Variants in PER3 observed in about 807,000 individuals in gnomAD.
PER3 encodes the protein period circadian regulator 3.
In PER3, 107 loss-of-function variants were observed where a neutral mutation model predicts 127.2. The observed-to-expected ratio is 0.84, with a 90% CI of 0.72 to 0.99. The LOEUF (loss-of-function observed/expected upper bound fraction) is 0.99. Among genes scored for constraint, PER3 ranks in the 50% least tolerant of loss-of-function variants. The probability of loss-of-function intolerance (pLI) is 0.00; values close to 1 mark genes in which losing one functional copy is unlikely to be tolerated. For missense variants in PER3, 1,560 were observed against 1,525.8 expected (o/e 1.02, Z -0.37); for synonymous variants, 618 against 585.8 (o/e 1.05, Z -0.79).
At chr1:7,796,964 A>C (rs533366441) in intron 6 of PER3, among the ~76,000 whole-genome samples, 2 of 152,258 alleles carry the variant, frequency 1.3e-5, no homozygotes, top group Non-Finnish European at 2.9e-5. Flanking sequence ...AGGAAAATCA[A>C]CTTCCTGGAG....
chr1:7,811,048 A>G lies in PER3; in HGVS notation c.1522+460A>G, dbSNP rs189964841. ...TGACATGTATTTACTTTTCTCAAAT[A>G]CAAGGTAAGGAGCACTCAAAAAGAG... On this transcript the variant is annotated intron_variant, in intron 13 of 21. Transcript: ENST00000377532. 6.5e-4 allele frequency among the ~76,000 whole-genome samples: 99 copies of G among 152,358 alleles called. 1 individual carries two copies. Among genetic ancestry groups the G allele is most frequent in the African/African-American group, 2.1e-3 (87 of 41,588 alleles).
chr1:7,794,714 G>A (rs2097137342), intron 6 of PER3, among the ~76,000 whole-genome samples: 1 of 151,728 alleles, frequency 6.6e-6, no homozygotes, highest in Non-Finnish European at 1.5e-5. Flanking sequence ...TTTGTGAGAA[G>A]GATTTAAAAG....
intron 5 of PER3, chr1:7,788,701 C>G (rs954994889): frequency 5.3e-5 from 9 of 169,146 alleles, no homozygotes; most frequent in African/African-American, 1.7e-4. Flanking sequence ...GTCAGGAGTT[C>G]CAGACCAGCC....
chr1:7,801,897 C>G (rs2097172383), intron 8 of PER3, among the ~76,000 whole-genome samples: 2 of 152,070 alleles, frequency 1.3e-5, no homozygotes, highest in African/African-American at 2.4e-5. Flanking sequence ...ACACACCACA[C>G]CACACATAAC....
At chr1:7,816,710 A>G (rs1379101532) in intron 13 of PER3, among the ~76,000 whole-genome samples, 1 of 152,252 alleles carries the variant, frequency 6.6e-6, no homozygotes, top group East Asian at 1.9e-4. Context: ...CAGAGCACTC[A>G]CCTATTGTTG....
chr1:7,831,409 CT>C (rs200768687), intron 19 of PER3, among the ~76,000 whole-genome samples: 2,138 of 152,256 alleles, frequency 0.014, 32 homozygotes, highest in Non-Finnish European at 0.023. Context: ...TATAATTTTA[CT>C]TCTTTTTTTC....
intron 9 of PER3, 83 bp downstream of exon 9, chr1:7,803,236 A>C: frequency 1.2e-6 from 1 of 819,918 alleles, no homozygotes; most frequent in South Asian, 1.4e-5. Flanking sequence ...ATTAGAGCGC[A>C]ACCTTTAACC....
In PER3 at chr1:7,798,557, A is replaced by T. The variant is rs2097156080; in HGVS notation, c.677A>T (p.His226Leu). The T allele has an allele frequency of 6.2e-7, 1 of 1,613,174 alleles. No individual in the cohort carries two copies. The highest frequency in any genetic ancestry group is 8.5e-7 in the Non-Finnish European group (1 of 1,179,536). ...GGEDRKQEKCHSPFRIIPYLI... is the reference protein window; with the variant it reads ...GGEDRKQEKCLSPFRIIPYLI... ...GAAGACAGAAAGCAAGAGAAGTGTC[A>T]CTCCCCATTCCGGATCATCCCCTAT... Residue 226 changes from histidine (H) to leucine (L), a missense_variant, in exon 7 of 22, where the codon CAC becomes CTC. Transcript: ENST00000377532.
At position 7,793,955 on chromosome 1, in the gene PER3, A is replaced by G. The variant is rs754982505; in HGVS notation, c.593-2A>G. 3.1e-6 allele frequency: 5 copies of G among 1,612,678 alleles called. No homozygotes were observed. The highest frequency in any genetic ancestry group is 1.3e-5 in the African/African-American group (1 of 74,902). ...TGACTGACCAGGCATCTTTCTTTCT[A>G]GCAGCTGCACGGTATGAATGTGCTC... is the stretch of plus-strand genomic sequence containing the variant. On this transcript the variant is annotated splice_acceptor_variant, in intron 5 of 21. Transcript: ENST00000377532. LOFTEE classifies it high-confidence loss of function.
intron 11 of PER3, 148 bp from the exon 12 acceptor site, chr1:7,809,745 C>A: frequency 1.5e-6 from 1 of 668,646 alleles, no homozygotes. Flanking sequence ...TTCGTGTCAG[C>A]ATCAGCATTA....
At chr1:7,815,273 A>C (rs914179486) in intron 13 of PER3, among the ~76,000 whole-genome samples, 1 of 152,230 alleles carries the variant, frequency 6.6e-6, no homozygotes, top group Non-Finnish European at 1.5e-5. Context: ...ATCTCCGTAC[A>C]CTAATTTACA....
chr1:7,791,993 A>C (rs555827803), intron 5 of PER3, among the ~76,000 whole-genome samples: 1 of 152,280 alleles, frequency 6.6e-6, no homozygotes, highest in Admixed American at 6.5e-5. Flanking sequence ...AAACTGTTCC[A>C]GTGTCTGCCT....
At chr1:7,809,084 G>A in intron 11 of PER3, 86 bp downstream of exon 11, 1 of 670,016 alleles carries the variant, frequency 1.5e-6, no homozygotes, top group Non-Finnish European at 2.6e-6. Flanking sequence ...AAAATAAACT[G>A]TAAAGGGAGA....
In PER3 at chr1:7,829,959, TCCC is replaced by T; in HGVS notation, c.3013_3015del (p.Pro1005del). 5.0e-6 allele frequency: 6 copies of T among 1,210,870 alleles called. No individual in the cohort carries two copies. Among genetic ancestry groups the T allele is most frequent in the Admixed American group, 2.5e-5 (1 of 40,018 alleles). 75.0% of individuals were successfully genotyped at this position (1,210,870 alleles called of 1,614,324 possible). ...CCAGCGCTCTGTCCACAGGATCGCC[TCCC>T]ATGAAGAATCCATCCCATCCTACTG... On this transcript the variant is annotated inframe_deletion, in exon 19 of 22. Coordinates refer to ENST00000377532, the MANE Select transcript of PER3 (RefSeq NM_001377275.1).
chr1:7,785,047 G>T, intron 2 of PER3, 42 bp downstream of exon 2: 2 of 1,556,056 alleles, frequency 1.3e-6, no homozygotes, highest in Non-Finnish European at 1.7e-6. Flanking sequence ...TGCGTTCGTT[G>T]TCCTTCCCTG....
At chr1:7,819,192 A>G (rs2097264932) in intron 13 of PER3, 93 bp from the exon 14 acceptor site, 1 of 1,086,300 alleles carries the variant, frequency 9.2e-7, no homozygotes, top group Non-Finnish European at 1.4e-6. Context: ...TATATACATG[A>G]TAAAGTGCCA....
chr1:7,807,041 A>G (rs1162377179), intron 10 of PER3, among the ~76,000 whole-genome samples: 1 of 152,002 alleles, frequency 6.6e-6, no homozygotes, highest in Non-Finnish European at 1.5e-5. Flanking sequence ...TCAACCATGT[A>G]TTTGTTCCTT....
chr1:7,835,596 C>G (rs1008876871), intron 19 of PER3, among the ~76,000 whole-genome samples, 166 bp from the exon 20 acceptor site: 1 of 152,102 alleles, frequency 6.6e-6, no homozygotes, highest in Non-Finnish European at 1.5e-5. Flanking sequence ...TCAGGAAGAC[C>G]AAAGAACCAG....
At chr1:7,828,887 T>C (rs1027495789) in intron 18 of PER3, among the ~76,000 whole-genome samples, 2 of 152,152 alleles carry the variant, frequency 1.3e-5, no homozygotes, top group African/African-American at 4.8e-5. Context: ...ATTCCTAGTG[T>C]TTGACACAGT....
Sources: gnomAD v4.1 joint callset for allele counts (sites outside exome capture counted in the v4.1 genomes callset) on GRCh38, gnomAD v4.1.1 for gene constraint, MANE v1.5 for transcripts, NCBI Gene and HGNC (gene_info 2026-07-23, HGNC 2026-07-21) for gene names.